The following PLEKHA7 variants were observed in gnomAD, a reference collection of about 807,000 sequenced individuals.
PLEKHA7 encodes pleckstrin homology domain containing A7, also known as pleckstrin homology domain-containing family A member 7.
PLEKHA7 carries 104 observed loss-of-function variants against 170.0 expected under a neutral mutation model. That is an observed-to-expected ratio of 0.61 (90% CI 0.52 to 0.72). The LOEUF (loss-of-function observed/expected upper bound fraction) is 0.72. Ranked by LOEUF, PLEKHA7 falls within the 30% of genes least tolerant of loss-of-function variation. The probability of loss-of-function intolerance (pLI) is 0.00; values close to 1 mark genes in which losing one functional copy is unlikely to be tolerated. For missense variants in PLEKHA7, 1,615 were observed against 1,671.7 expected (o/e 0.97, Z 0.59); for synonymous variants, 648 against 660.8 (o/e 0.98, Z 0.30).
intron 3 of PLEKHA7, among the ~76,000 whole-genome samples, chr11:16,963,098 G>A (rs2136635638): frequency 6.6e-6 from 1 of 152,332 alleles, no homozygotes; most frequent in Middle Eastern, 3.4e-3. Context: ...ATGTATCACG[G>A]AAAGACAAGG....
chr11:16,873,232 A>G, intron 3 of PLEKHA7, among the ~76,000 whole-genome samples: 1 of 152,228 alleles, frequency 6.6e-6, no homozygotes, highest in African/African-American at 2.4e-5. Context: ...AGCATAGCAC[A>G]AAGGTTATAA....
intron 3 of PLEKHA7, among the ~76,000 whole-genome samples, chr11:16,884,708 T>A (rs899739996): frequency 6.6e-6 from 1 of 152,020 alleles, no homozygotes; most frequent in African/African-American, 2.4e-5. Flanking sequence ...AAACAAAAAC[T>A]GTCGCAACTC....
At position 16,841,537 on chromosome 11, in the gene PLEKHA7, C is replaced by A; in HGVS notation, c.872+10G>T. The A allele has an allele frequency of 6.2e-7, 1 of 1,607,654 alleles. No homozygotes were observed. Among genetic ancestry groups the A allele is most frequent in the South Asian group, 1.1e-5 (1 of 90,350 alleles). On this transcript the variant is annotated intron_variant, in intron 9 of 26. Coordinates refer to ENST00000531066, the MANE Select transcript of PLEKHA7 (RefSeq NM_001329630.2). ...AGGTGCTGTGGCAGGGACCCTCCAT[C>A]AGAACTAACCTCTTCAGTGACGATC...
chr11:16,799,728 A>G (rs1277686567), intron 17 of PLEKHA7, among the ~76,000 whole-genome samples: 1 of 152,238 alleles, frequency 6.6e-6, no homozygotes, highest in Non-Finnish European at 1.5e-5. Flanking sequence ...TGCGGCTACA[A>G]AAAAGAGTAG....
intron 3 of PLEKHA7, among the ~76,000 whole-genome samples, chr11:16,902,253 G>A (rs141320286): frequency 6.6e-6 from 1 of 152,134 alleles, no homozygotes. Context: ...ATCAGTTGAC[G>A]GACTTTGGGT....
At chr11:16,962,093 A>G (rs1862097708) in intron 3 of PLEKHA7, among the ~76,000 whole-genome samples, 1 of 152,194 alleles carries the variant, frequency 6.6e-6, no homozygotes, top group Admixed American at 6.5e-5. Flanking sequence ...TCTTTTTCCT[A>G]AAACAGTGCC....
At chr11:16,965,274 G>A (rs890653811) in intron 3 of PLEKHA7, among the ~76,000 whole-genome samples, 1 of 151,818 alleles carries the variant, frequency 6.6e-6, no homozygotes, top group Non-Finnish European at 1.5e-5. Context: ...AGTGAGCCAA[G>A]ATCACACCAC....
chr11:16,841,476 C>T, intron 9 of PLEKHA7, 71 bp downstream of exon 9: 1 of 1,517,518 alleles, frequency 6.6e-7, no homozygotes, highest in Non-Finnish European at 8.9e-7. Context: ...CTCAGGCACC[C>T]AAGAGGACCT....
intron 3 of PLEKHA7, among the ~76,000 whole-genome samples, chr11:16,982,754 C>T (rs1435579426): frequency 6.6e-6 from 1 of 150,916 alleles, no homozygotes; most frequent in Non-Finnish European, 1.5e-5. Flanking sequence ...TCTTACCTCT[C>T]AGACTTCACC....
At chr11:17,002,436 G>A (rs1363037336) in intron 3 of PLEKHA7, among the ~76,000 whole-genome samples, 1 of 151,846 alleles carries the variant, frequency 6.6e-6, no homozygotes, top group Non-Finnish European at 1.5e-5. Context: ...CAGAAAGAGT[G>A]ATGATGAGAG....
rs555139687 is a variant in PLEKHA7, at chr11:16,783,822, T to C, written c.3528A>G (p.Pro1176=). ...AGCGCTCAGGGATTGACACCTTCTCTGGTTTGGACAGCTGGGGAGAGGCCA... is the reference window on the plus strand; with the variant it reads ...AGCGCTCAGGGATTGACACCTTCTCCGGTTTGGACAGCTGGGGAGAGGCCA... ...DLDISRELSK[P]EKVSIPERYV... The change falls in exon 25 of 27, where the codon CCA becomes CCG. Residue 1176 remains proline, a synonymous_variant. Coordinates refer to ENST00000531066, the MANE Select transcript of PLEKHA7 (RefSeq NM_001329630.2). The C allele has an allele frequency of 1.3e-5, 20 of 1,494,796 alleles. No individual in the cohort carries two copies. In the South Asian group the frequency reaches 2.1e-4, roughly 15 times the overall value. The allele number at this position is 1,494,796 out of a possible 1,614,324, so 92.6% of individuals were successfully genotyped here.
At chr11:16,875,496 G>A (rs533311858) in intron 3 of PLEKHA7, among the ~76,000 whole-genome samples, 1 of 151,798 alleles carries the variant, frequency 6.6e-6, no homozygotes, top group African/African-American at 2.4e-5. Flanking sequence ...ACCCAGGCTG[G>A]AGTGCAGTGG....
In PLEKHA7 at chr11:16,789,757, C is replaced by T. The variant is rs1484968238; in HGVS notation, c.3156+18G>A. On this transcript the variant is annotated intron_variant, in intron 22 of 26. Coordinates refer to ENST00000531066, the MANE Select transcript of PLEKHA7 (RefSeq NM_001329630.2). This position sits in a 1 kb window ranked among gnomAD's most constrained non-coding sequence, Gnocchi z 4.6. The stretch of plus-strand genomic sequence containing the variant: ...TGTGAAGGAGCAGGGAGGTCCTCGA[C>T]AGCTCAAGGCCACTCACAGGGAAGG... 4 of 1,602,908 alleles carry T rather than the reference C, an allele frequency of 2.5e-6. No homozygotes were observed. The highest frequency in any genetic ancestry group is 3.4e-6 in the Non-Finnish European group (4 of 1,170,346).
At chr11:16,992,777 T>C (rs1442117630) in intron 3 of PLEKHA7, among the ~76,000 whole-genome samples, 1 of 145,116 alleles carries the variant, frequency 6.9e-6, no homozygotes, top group Non-Finnish European at 1.5e-5. Context: ...AAAAAAAGAA[T>C]TAACCTGGCC....
At chr11:16,898,903 G>A (rs1235595796) in intron 3 of PLEKHA7, among the ~76,000 whole-genome samples, 1 of 152,114 alleles carries the variant, frequency 6.6e-6, no homozygotes, top group East Asian at 1.9e-4. Context: ...ACTCTGATAG[G>A]ACTTTCATGG....
intron 3 of PLEKHA7, among the ~76,000 whole-genome samples, chr11:16,944,615 G>A (rs897533770): frequency 2.0e-5 from 3 of 151,052 alleles, no homozygotes; most frequent in Non-Finnish European, 4.4e-5. Context: ...TCACCCAGGA[G>A]ACCTCATTCA....
chr11:16,841,814 G>T, intron 8 of PLEKHA7, 92 bp from the exon 9 acceptor site: 2 of 1,313,730 alleles, frequency 1.5e-6, no homozygotes, highest in Non-Finnish European at 2.1e-6. Flanking sequence ...GGCCCTTCTA[G>T]TCTAAAAGCC....
At chr11:16,909,344 C>T (rs934624869) in intron 3 of PLEKHA7, among the ~76,000 whole-genome samples, 18 of 152,328 alleles carry the variant, frequency 1.2e-4, no homozygotes, top group African/African-American at 4.1e-4. Flanking sequence ...CATTGCCTTT[C>T]CCCTCAAGAT....
intron 3 of PLEKHA7, among the ~76,000 whole-genome samples, chr11:17,001,968 C>G (rs1050244966): frequency 6.6e-6 from 1 of 152,264 alleles, no homozygotes; most frequent in Admixed American, 6.5e-5. Flanking sequence ...CTGAAAGAGA[C>G]AGCCTGGCTC....
Sources: allele counts gnomAD v4.1 joint callset (sites outside exome capture counted in the v4.1 genomes callset), GRCh38; gene constraint gnomAD v4.1.1; non-coding constraint Gnocchi (gnomAD v3.1); transcripts MANE v1.5; gene names NCBI Gene and HGNC (gene_info 2026-07-23, HGNC 2026-07-21).